SPACA7: variants seen among roughly 807,000 people sequenced by gnomAD.
The protein encoded by SPACA7 is sperm acrosome-associated protein 7.
In SPACA7, 19 loss-of-function variants were observed where a neutral mutation model predicts 26.3. The ratio of observed to expected loss-of-function variants is 0.72; its 90% confidence interval spans 0.50 to 1.06. The LOEUF (loss-of-function observed/expected upper bound fraction) is 1.06. Among genes scored for constraint, SPACA7 ranks in the 50% least tolerant of loss-of-function variants. SPACA7 has a pLI of 0.00. For synonymous variants in SPACA7, 84 were observed against 84.5 expected, an observed-to-expected ratio of 0.99 and a Z score of 0.04; for missense variants, 211 against 229.9, an observed-to-expected ratio of 0.92 and a Z score of 0.53.
intron 2 of SPACA7, among the ~76,000 whole-genome samples, chr13:112,396,006 G>C (rs370656900): frequency 4.7e-5 from 7 of 148,508 alleles, no homozygotes. Context: ...CTCACCCTGG[G>C]GTGGCTCGGC....
At chr13:112,422,005 T>A (rs1489811161) in intron 5 of SPACA7, among the ~76,000 whole-genome samples, 1 of 151,976 alleles carries the variant, frequency 6.6e-6, no homozygotes, top group Non-Finnish European at 1.5e-5. Context: ...AAATAACTAA[T>A]AGGGACTAGG....
At chr13:112,378,231 G>T (rs181176239) in intron 1 of SPACA7, among the ~76,000 whole-genome samples, 1 of 152,296 alleles carries the variant, frequency 6.6e-6, no homozygotes. Context: ...TCAGGATCCA[G>T]TCCAGTTTAC....
rs368443133 is a variant in SPACA7, at chr13:112,433,401, G to T, written c.523+880G>T. 9.8e-4 allele frequency among the ~76,000 whole-genome samples: 146 copies of T among 148,896 alleles called. 3 individuals are homozygous for T. In the East Asian group the frequency reaches 0.024, roughly 24 times the overall value. ...CACCACGTGCCAGGCACTGTCCTAG[G>T]CTCTGGGGTTTCTACATAAAACAGA... On this transcript the variant is annotated intron_variant, in intron 6 of 6. Transcript: ENST00000283550.
chr13:112,377,448 C>T (rs1883767010), intron 1 of SPACA7, among the ~76,000 whole-genome samples: 1 of 152,140 alleles, frequency 6.6e-6, no homozygotes, highest in Admixed American at 6.5e-5. Flanking sequence ...CATGAACCTC[C>T]ATGTATTCAC....
chr13:112,410,207 G>A (rs561298957), intron 5 of SPACA7, among the ~76,000 whole-genome samples: 67 of 152,122 alleles, frequency 4.4e-4, no homozygotes, highest in South Asian at 8.3e-4. Context: ...CAGATGCTGG[G>A]GCCTGTGATG....
chr13:112,398,973 CTT>C, intron 3 of SPACA7, 91 bp from the exon 4 acceptor site: 1 of 757,592 alleles, frequency 1.3e-6, no homozygotes, highest in Non-Finnish European at 2.3e-6. Flanking sequence ...ACATCCCAAC[CTT>C]ATATTGTAAA....
At chr13:112,383,116 A>AAAAAGAAAGAAAGAAAG (rs1884237173) in intron 1 of SPACA7, among the ~76,000 whole-genome samples, 2 of 33,584 alleles carry the variant, frequency 6.0e-5, no homozygotes, top group African/African-American at 1.0e-4. Flanking sequence ...AAAAGAAAAG[A>AAAAAGAAAGAAAGAAAG]AAAGAAAAGA....
chr13:112,417,845 G>A (rs769172835), intron 5 of SPACA7, among the ~76,000 whole-genome samples: 7 of 152,136 alleles, frequency 4.6e-5, no homozygotes, highest in Non-Finnish European at 8.8e-5. Context: ...AGTGAATGTA[G>A]GGCAGGAACA....
At chr13:112,415,889 C>T (rs950440230) in intron 5 of SPACA7, among the ~76,000 whole-genome samples, 1 of 152,084 alleles carries the variant, frequency 6.6e-6, no homozygotes, top group Non-Finnish European at 1.5e-5. Flanking sequence ...TAAATGCTCC[C>T]TCTGTGGGCA....
intron 5 of SPACA7, among the ~76,000 whole-genome samples, chr13:112,432,109 C>A (rs1484869619): frequency 6.6e-6 from 1 of 152,224 alleles, no homozygotes; most frequent in African/African-American, 2.4e-5. Context: ...TCACCACCAG[C>A]AGTGGGGAGC....
At chr13:112,376,974 G>A (rs142061671) in intron 1 of SPACA7, among the ~76,000 whole-genome samples, 174 of 152,222 alleles carry the variant, frequency 1.1e-3, no homozygotes, top group South Asian at 8.9e-3. Context: ...AGCTCATACC[G>A]TTAAAAAATA....
At chr13:112,397,573 G>A (rs1351803401) in intron 2 of SPACA7, among the ~76,000 whole-genome samples, 1 of 152,224 alleles carries the variant, frequency 6.6e-6, no homozygotes, top group Non-Finnish European at 1.5e-5. Context: ...TTCCGGGTCT[G>A]TCAGACACAA....
chr13:112,427,188 G>A (rs1458172316), intron 5 of SPACA7, among the ~76,000 whole-genome samples: 1 of 152,190 alleles, frequency 6.6e-6, no homozygotes, highest in African/African-American at 2.4e-5. Context: ...GTCTTTGAGG[G>A]CAATGTGGGC....
At chr13:112,416,223 A>G (rs1205798532) in intron 5 of SPACA7, among the ~76,000 whole-genome samples, 1 of 152,040 alleles carries the variant, frequency 6.6e-6, no homozygotes, top group Non-Finnish European at 1.5e-5. Flanking sequence ...ACAGGGGTCA[A>G]TCACTGGAGG....
chr13:112,391,038 G>C (rs1234413731), intron 1 of SPACA7, among the ~76,000 whole-genome samples: 1 of 152,166 alleles, frequency 6.6e-6, no homozygotes, highest in Non-Finnish European at 1.5e-5. Context: ...TTGGATGATT[G>C]GCTCAAGGAG....
In SPACA7 at chr13:112,377,802, G is replaced by T. The variant is rs551722874; in HGVS notation, c.94+1323G>T. The stretch of plus-strand genomic sequence containing the variant: ...TTCTCTTTGAACAAGATAAGTCCAT[G>T]TTTCATCTGGTGGAGGATGTGTGCT... On this transcript the variant is annotated intron_variant, in intron 1 of 6. Transcript: ENST00000283550. Among the ~76,000 whole-genome samples, 40 of 152,326 alleles carry T rather than the reference G, an allele frequency of 2.6e-4. No individual in the cohort carries two copies. In the South Asian group the frequency reaches 8.3e-3, roughly 32 times the overall value.
chr13:112,395,624 C>A (rs898876097), intron 2 of SPACA7, among the ~76,000 whole-genome samples: 2 of 152,160 alleles, frequency 1.3e-5, no homozygotes, highest in Non-Finnish European at 2.9e-5. Flanking sequence ...ATGTGCACCA[C>A]CTCACCCAGC....
chr13:112,393,085 A>C lies in SPACA7; in HGVS notation c.151+8A>C. ...ATATGTCTGAATTATTAGGTAAGGA[A>C]GCCCCTCCTATCAACCTCTGGCCTG... On this transcript the variant is annotated splice_region_variant and intron_variant, in intron 2 of 6. Transcript: ENST00000283550. 1 of 1,611,808 alleles carries C rather than the reference A, an allele frequency of 6.2e-7. No individual in the cohort carries two copies. Among genetic ancestry groups the C allele is most frequent in the Non-Finnish European group, 8.5e-7 (1 of 1,178,290 alleles).
intron 1 of SPACA7, among the ~76,000 whole-genome samples, chr13:112,388,413 G>A (rs1182830660): frequency 6.6e-6 from 1 of 152,164 alleles, no homozygotes; most frequent in Non-Finnish European, 1.5e-5. Context: ...CTACAGTTAA[G>A]GGACGTTTCC....
Sources: gnomAD v4.1 joint callset for allele counts (sites outside exome capture counted in the v4.1 genomes callset) on GRCh38, gnomAD v4.1.1 for gene constraint, MANE v1.5 for transcripts, NCBI Gene and HGNC (gene_info 2026-07-23, HGNC 2026-07-21) for gene names.